The following SLC22A25 variants were observed in gnomAD, a reference collection of about 807,000 sequenced individuals.
The protein encoded by SLC22A25 is MGI:2442751, MGI:2385316, MGI:3042283, MGI:3645714, MGI:3605624, MGI:2442750.
A neutral mutation model predicts 45.9 loss-of-function variants in SLC22A25; 44 were observed. The observed-to-expected ratio is 0.96, with a 90% CI of 0.75 to 1.23. The LOEUF (loss-of-function observed/expected upper bound fraction) is 1.23. Among genes scored for constraint, SLC22A25 ranks in the 50% most tolerant of loss-of-function variants. The pLI is 0.00. For synonymous variants in SLC22A25, 283 were observed against 238.6 expected (o/e 1.19, Z -1.72); for missense variants, 800 against 666.4 (o/e 1.20, Z -2.21).
At chr11:63,169,709 T>C (rs2134712250) in intron 9 of SLC22A25, among the ~76,000 whole-genome samples, 1 of 152,238 alleles carries the variant, frequency 6.6e-6, no homozygotes, top group South Asian at 2.1e-4. Context: ...TCCTACGCAA[T>C]AATAGTAGGA....
intron 1 of SLC22A25, among the ~76,000 whole-genome samples, chr11:63,242,009 A>ATAG (rs1265062617): frequency 6.6e-6 from 1 of 152,246 alleles, no homozygotes; most frequent in Non-Finnish European, 1.5e-5. Flanking sequence ...GCAGAATATC[A>ATAG]TAGTCCATCT....
At position 63,217,455 on chromosome 11, in the gene SLC22A25, C is replaced by G; in HGVS notation, c.689G>C (p.Cys230Ser). 2 of 1,614,044 alleles carry G rather than the reference C, an allele frequency of 1.2e-6. No homozygotes were observed. The highest frequency in any genetic ancestry group is 1.3e-5 in the African/African-American group (1 of 75,054). Residue 230 changes from cysteine (C) to serine (S), a missense_variant, in exon 7 of 12, where the codon TGT becomes TCT. Coordinates refer to ENST00000306494, the MANE Select transcript of SLC22A25 (RefSeq NM_199352.6). The part of the protein sequence containing the change: ...LIVEWITHQF[C>S]AMALTLTLCA... ...AAGTGTCAATGTCAATGCCATGGCA[C>G]AGAATTGGTGAGTTATCCACTCTAC...
chr11:63,218,962 T>C (rs2089787594), intron 5 of SLC22A25, among the ~76,000 whole-genome samples: 1 of 152,224 alleles, frequency 6.6e-6, no homozygotes, highest in Admixed American at 6.5e-5. Context: ...CACATGTTCT[T>C]GCAGATGGCA....
chr11:63,185,708 C>A (rs1374270995), intron 7 of SLC22A25, among the ~76,000 whole-genome samples: 6 of 119,440 alleles, frequency 5.0e-5, no homozygotes, highest in African/African-American at 1.3e-4. Context: ...CCCACCCCAC[C>A]ACAGTCCCCA....
chr11:63,217,417 T>A lies in SLC22A25; in HGVS notation c.727A>T (p.Ile243Phe), dbSNP rs2089741915. 6.2e-7 allele frequency: 1 copy of A among 1,614,046 alleles called. No individual in the cohort carries two copies. Among genetic ancestry groups the A allele is most frequent in the Non-Finnish European group, 8.5e-7 (1 of 1,180,004 alleles). ...AGGCTTCCCAGGGTTATATGTCCAA[T>A]ACTAGCAGCACAAAGTGTCAATGTC... ...ALTLTLCAAS[I>F]GHITLGSLAF... Residue 243 changes from isoleucine to phenylalanine, a missense_variant, in exon 7 of 12, where the codon ATT (isoleucine) becomes TTT (phenylalanine). By Grantham distance (21) the Ile-to-Phe change is conservative. Transcript: ENST00000306494.
intron 1 of SLC22A25, among the ~76,000 whole-genome samples, 132 bp from the exon 2 acceptor site, chr11:63,239,267 A>G (rs1316095820): frequency 6.6e-6 from 1 of 152,250 alleles, no homozygotes; most frequent in Non-Finnish European, 1.5e-5. Context: ...CAGCAGGACC[A>G]TGGAAGGTTA....
At chr11:63,172,849 C>T (rs977402039) in intron 9 of SLC22A25, among the ~76,000 whole-genome samples, 2 of 152,024 alleles carry the variant, frequency 1.3e-5, no homozygotes, top group Non-Finnish European at 2.9e-5. Flanking sequence ...CCATTGGACC[C>T]AGCAATCCAA....
rs867434923 is a variant in SLC22A25, at chr11:63,217,589, A to G, written c.653T>C (p.Val218Ala). 6.2e-7 allele frequency: 1 copy of G among 1,613,002 alleles called. No individual in the cohort carries two copies. The highest frequency in any genetic ancestry group is 1.3e-5 in the African/African-American group (1 of 75,002). Residue 218 changes from valine (V) to alanine (A), a missense_variant, in exon 6 of 12, where the codon GTT becomes GCT. By Grantham distance (64) the Val-to-Ala change is moderately conservative. Coordinates refer to ENST00000306494, the MANE Select transcript of SLC22A25 (RefSeq NM_199352.6). ...AATFSIIVNT[V>A]LLIVEWITHQ... ...CGAAAATATTGACTTACTTAACAAA[A>G]CAGTATTTACAATGATGCTAAATGT...
chr11:63,233,117 T>A (rs980768577), intron 3 of SLC22A25, among the ~76,000 whole-genome samples: 9 of 151,976 alleles, frequency 5.9e-5, no homozygotes, highest in African/African-American at 1.7e-4. Flanking sequence ...TGTCTCTGCC[T>A]GGCTTTGGTA....
chr11:63,211,538 T>C (rs1340324174), intron 7 of SLC22A25, among the ~76,000 whole-genome samples: 1 of 152,124 alleles, frequency 6.6e-6, no homozygotes, highest in Non-Finnish European at 1.5e-5. Context: ...GCAATTGCAA[T>C]ATGCCTGGAC....
intron 7 of SLC22A25, among the ~76,000 whole-genome samples, chr11:63,208,479 G>A (rs2089468465): frequency 6.6e-6 from 1 of 152,182 alleles, no homozygotes; most frequent in Non-Finnish European, 1.5e-5. Flanking sequence ...ACAGGAACTG[G>A]GAGTGTGTGC....
rs1417547885 is a variant in SLC22A25, at chr11:63,160,734, G to A, written c.*3090C>T. On this transcript the variant is annotated 3_prime_UTR_variant, in exon 12 of 12. Transcript: ENST00000306494. ...AATGCCAGGTCACAAAAGCAGCCAG[G>A]AGGGAGGCTGTACCCTGCAAAGCCA... 6.6e-6 allele frequency among the ~76,000 whole-genome samples: 1 copy of A among 152,276 alleles called. No homozygotes were observed. Among genetic ancestry groups the A allele is most frequent in the Non-Finnish European group, 1.5e-5 (1 of 68,018 alleles).
chr11:63,199,312 A>G (rs1244141985), intron 7 of SLC22A25, among the ~76,000 whole-genome samples: 1 of 152,186 alleles, frequency 6.6e-6, no homozygotes, highest in Admixed American at 6.5e-5. Flanking sequence ...GAAGAAATGG[A>G]TAAATTCCTG....
rs779186790 is a variant in SLC22A25, at chr11:63,229,310, G to T, written c.343C>A (p.Pro115Thr). 2 of 1,606,684 alleles carry T rather than the reference G, an allele frequency of 1.2e-6. No individual in the cohort carries two copies. Among genetic ancestry groups the T allele is most frequent in the African/African-American group, 1.3e-5 (1 of 74,976 alleles). The change falls in exon 4 of 12, where the codon CCC becomes ACC. Residue 115 changes from proline to threonine, a missense_variant. Physicochemically the swap from Pro to Thr is conservative, Grantham distance 38. Transcript: ENST00000306494. ...FPNTSEPDTEPCVDGWVYDQS... is the reference protein window; with the variant it reads ...FPNTSEPDTETCVDGWVYDQS... ...TCATATACCCAGCCATCCACACAGGGCTCTGTATCTGGCTCACTCGTGTTG... is the reference window on the plus strand; with the variant it reads ...TCATATACCCAGCCATCCACACAGGTCTCTGTATCTGGCTCACTCGTGTTG...
intron 3 of SLC22A25, among the ~76,000 whole-genome samples, chr11:63,235,245 A>G (rs1274600635): frequency 1.3e-5 from 2 of 152,198 alleles, no homozygotes; most frequent in Admixed American, 1.3e-4. Context: ...GTGTTTTCCA[A>G]CTTGGTTCCA....
chr11:63,172,074 G>T (rs2087907936), intron 9 of SLC22A25, among the ~76,000 whole-genome samples: 1 of 152,134 alleles, frequency 6.6e-6, no homozygotes. Context: ...AATGGTGCTG[G>T]GAAAACTGGC....
rs1287183216 is a variant in SLC22A25 at position 63,228,504 on chromosome 11, C to T, written c.463G>A (p.Gly155Arg). The change falls in exon 5 of 12, where the codon GGA becomes AGA. Residue 155 changes from glycine (G) to arginine (R), a missense_variant. By Grantham distance (125) the Gly-to-Arg change is moderately radical. Transcript: ENST00000306494. ...NSVAKFLFMA[G>R]MMVGGNLYGH... ...TATAGGTTGCCTCCCACCATCATTCCAGCCATGAATAGAAATTTAGCTACT... is the reference window on the plus strand; with the variant it reads ...TATAGGTTGCCTCCCACCATCATTCTAGCCATGAATAGAAATTTAGCTACT... 9 of 1,613,780 alleles carry T rather than the reference C, an allele frequency of 5.6e-6. No homozygotes were observed. The highest frequency in any genetic ancestry group is 1.3e-5 in the African/African-American group (1 of 74,872).
intron 3 of SLC22A25, among the ~76,000 whole-genome samples, chr11:63,231,197 C>T (rs1388888880): frequency 6.6e-6 from 1 of 152,154 alleles, no homozygotes; most frequent in African/African-American, 2.4e-5. Flanking sequence ...AATGGTATTT[C>T]TAGTTCTGGA....
intron 2 of SLC22A25, among the ~76,000 whole-genome samples, 171 bp downstream of exon 2, chr11:63,238,546 A>G (rs1474680911): frequency 6.6e-6 from 1 of 152,256 alleles, no homozygotes; most frequent in East Asian, 1.9e-4. Flanking sequence ...TGAAATCACT[A>G]GACTTATAAA....
Sources: gnomAD v4.1 joint callset for allele counts (sites outside exome capture counted in the v4.1 genomes callset) on GRCh38, gnomAD v4.1.1 for gene constraint, MANE v1.5 for transcripts, NCBI Gene and HGNC (gene_info 2026-07-23, HGNC 2026-07-21) for gene names.